Variants in EPHB2 observed in about 807,000 individuals in gnomAD.
EPHB2 encodes the protein ephrin type-B receptor 2.
A neutral mutation model predicts 96.4 loss-of-function variants in EPHB2; 18 were observed. That is an observed-to-expected ratio of 0.19 (90% CI 0.13 to 0.28). The LOEUF (loss-of-function observed/expected upper bound fraction) is 0.28. Among genes scored for constraint, EPHB2 ranks in the 10% least tolerant of loss-of-function variants. EPHB2 has a pLI of 1.00. For synonymous variants in EPHB2, 506 were observed against 534.1 expected, an observed-to-expected ratio of 0.95 and a Z score of 0.72; for missense variants, 989 against 1,355.4, an observed-to-expected ratio of 0.73 and a Z score of 4.25.
At chr1:22,871,400 C>T (rs1170639188) in intron 5 of EPHB2, among the ~76,000 whole-genome samples, 2 of 152,164 alleles carry the variant, frequency 1.3e-5, no homozygotes, top group Non-Finnish European at 2.9e-5. Flanking sequence ...CCTAGGAGCT[C>T]ATGTTGCAGA....
intron 3 of EPHB2, among the ~76,000 whole-genome samples, chr1:22,834,932 T>TA (rs1557702834): frequency 6.7e-6 from 1 of 149,508 alleles, no homozygotes; most frequent in South Asian, 2.1e-4. Context: ...CTCAAAAAAA[T>TA]AAAAAAATAA....
chr1:22,746,755 G>A (rs6661451), intron 1 of EPHB2, among the ~76,000 whole-genome samples: 33 of 152,158 alleles, frequency 2.2e-4, no homozygotes, highest in African/African-American at 8.0e-4. Flanking sequence ...AGGTCACAAA[G>A]GTGTGAAGTG....
chr1:22,781,792 C>A lies in EPHB2; in HGVS notation c.126+307C>A, dbSNP rs150433741. 1.1e-4 allele frequency among the ~76,000 whole-genome samples: 17 copies of A among 152,242 alleles called. No homozygotes were observed. In the East Asian group the frequency reaches 3.3e-3, roughly 29 times the overall value. On this transcript the variant is annotated intron_variant, in intron 2 of 15. Transcript: ENST00000374630. ...TTTACAGATGAAGAAAGTGAACTGT[C>A]GTTTCCTGAGTACCCATTCTATGTC... is the stretch of plus-strand genomic sequence containing the variant.
intron 6 of EPHB2, among the ~76,000 whole-genome samples, chr1:22,885,701 A>T (rs1344181121): frequency 6.6e-6 from 1 of 152,088 alleles, no homozygotes; most frequent in African/African-American, 2.4e-5. Flanking sequence ...TTCCCCAGGG[A>T]TGCTTCTGGG....
chr1:22,723,713 C>G (rs1570153724), intron 1 of EPHB2, among the ~76,000 whole-genome samples: 1 of 152,378 alleles, frequency 6.6e-6, no homozygotes, highest in East Asian at 1.9e-4. Flanking sequence ...ATTTCACCCT[C>G]TTCAGCTTTA....
At chr1:22,762,394 A>G (rs1644247683) in intron 1 of EPHB2, among the ~76,000 whole-genome samples, 1 of 152,314 alleles carries the variant, frequency 6.6e-6, no homozygotes, top group East Asian at 1.9e-4. Context: ...TGTGGCAGAA[A>G]GGAAGGTAGC....
intron 1 of EPHB2, among the ~76,000 whole-genome samples, chr1:22,761,981 A>G (rs1644242093): frequency 6.6e-6 from 1 of 152,202 alleles, no homozygotes; most frequent in Non-Finnish European, 1.5e-5. Context: ...GCAGCAAGTC[A>G]CCATCTGTGT....
At chr1:22,818,212 C>G (rs1032051890) in intron 3 of EPHB2, among the ~76,000 whole-genome samples, 3 of 152,106 alleles carry the variant, frequency 2.0e-5, no homozygotes, top group African/African-American at 7.2e-5. Context: ...GCTCAGTGTA[C>G]CTGGCCAGCC....
chr1:22,836,363 A>G (rs1645385235), intron 3 of EPHB2, among the ~76,000 whole-genome samples: 1 of 152,190 alleles, frequency 6.6e-6, no homozygotes, highest in East Asian at 1.9e-4. Context: ...ACTTGTCCCC[A>G]TCTTCCCATT....
At chr1:22,904,893 G>A (rs776307653) in intron 9 of EPHB2, among the ~76,000 whole-genome samples, 1 of 152,206 alleles carries the variant, frequency 6.6e-6, no homozygotes, top group Non-Finnish European at 1.5e-5. Context: ...ATGGCCTCAC[G>A]CACCAACCAG....
At chr1:22,743,015 C>T (rs1397039218) in intron 1 of EPHB2, among the ~76,000 whole-genome samples, 1 of 151,970 alleles carries the variant, frequency 6.6e-6, no homozygotes, top group East Asian at 1.9e-4. Context: ...CTTCAGCCTC[C>T]TGAGTAGCTG....
At chr1:22,853,351 C>A (rs1205598873) in intron 3 of EPHB2, among the ~76,000 whole-genome samples, 1 of 152,202 alleles carries the variant, frequency 6.6e-6, no homozygotes, top group Non-Finnish European at 1.5e-5. Context: ...TTCCTGAAGC[C>A]TCTATCGATC....
intron 5 of EPHB2, among the ~76,000 whole-genome samples, chr1:22,868,449 A>C (rs1638555229): frequency 6.6e-6 from 1 of 152,176 alleles, no homozygotes; most frequent in Admixed American, 6.5e-5. Context: ...ACAACTCAGT[A>C]GTTTAAACAA....
chr1:22,793,501 G>A (rs897258876), intron 3 of EPHB2, among the ~76,000 whole-genome samples: 3 of 152,192 alleles, frequency 2.0e-5, no homozygotes, highest in Admixed American at 2.0e-4. Flanking sequence ...AAAAATGGTT[G>A]GAAATGGTGG....
intron 3 of EPHB2, among the ~76,000 whole-genome samples, chr1:22,842,306 G>A (rs556912058): frequency 5.9e-5 from 9 of 152,162 alleles, no homozygotes; most frequent in Non-Finnish European, 8.8e-5. Context: ...AAGGAAATAC[G>A]TTTATTCCTT....
rs151064187 is a variant in EPHB2 at position 22,762,489 on chromosome 1, G to T, written c.62-18932G>T. Among the ~76,000 whole-genome samples the T allele has an allele frequency of 3.3e-3, 504 of 152,256 alleles. 4 individuals carry two copies. The highest frequency in any genetic ancestry group is 5.5e-3 in the Non-Finnish European group (376 of 68,002). ...TTGAGCAAGCCAGGAACCCCTCTGG[G>T]CCCATTTCCTCCTCTGTCCAGTGAG... On this transcript the variant is annotated intron_variant, in intron 1 of 15. Transcript: ENST00000374630.
chr1:22,750,320 A>G (rs1293869791), intron 1 of EPHB2, among the ~76,000 whole-genome samples: 1 of 152,148 alleles, frequency 6.6e-6, no homozygotes, highest in Non-Finnish European at 1.5e-5. Flanking sequence ...AGCAGGAGAG[A>G]TGGGCTGGGA....
chr1:22,725,414 A>G (rs1440236712), intron 1 of EPHB2, among the ~76,000 whole-genome samples: 1 of 152,036 alleles, frequency 6.6e-6, no homozygotes, highest in African/African-American at 2.4e-5. Context: ...CAATGGCAGG[A>G]TGATTGCCTG....
chr1:22,755,437 AG>A (rs1419706755), intron 1 of EPHB2, among the ~76,000 whole-genome samples: 1 of 152,206 alleles, frequency 6.6e-6, no homozygotes, highest in Admixed American at 6.5e-5. Context: ...TGAGGTCTGA[AG>A]AAAGAAGCCT....
Sources: gnomAD v4.1 joint callset for allele counts (sites outside exome capture counted in the v4.1 genomes callset) on GRCh38, gnomAD v4.1.1 for gene constraint, MANE v1.5 for transcripts, NCBI Gene and HGNC (gene_info 2026-07-23, HGNC 2026-07-21) for gene names.